Variants in WHRN observed in about 807,000 individuals in gnomAD.
The protein encoded by WHRN is CASK-interacting protein CIP98.
WHRN carries 41 observed loss-of-function variants against 68.3 expected under a neutral mutation model. The observed-to-expected ratio is 0.60, with a 90% CI of 0.47 to 0.78. The LOEUF (loss-of-function observed/expected upper bound fraction) is 0.78. Among genes scored for constraint, WHRN ranks in the 30% least tolerant of loss-of-function variants. WHRN has a pLI of 0.00. For missense variants in WHRN, 1,243 were observed against 1,244.7 expected, an observed-to-expected ratio of 1.00 and a Z score of 0.02; for synonymous variants, 560 against 561.3, an observed-to-expected ratio of 1.00 and a Z score of 0.03.
intron 1 of WHRN, among the ~76,000 whole-genome samples, chr9:114,479,992 G>C (rs1265899205): frequency 6.6e-6 from 1 of 152,234 alleles, no homozygotes; most frequent in Non-Finnish European, 1.5e-5. Flanking sequence ...GAACCCTGGA[G>C]GTGGAGGTTG....
rs1165819404 is a variant in WHRN, at chr9:114,406,772, G to C, written c.1819C>G (p.Leu607Val). 1 of 1,614,102 alleles carries C rather than the reference G, an allele frequency of 6.2e-7. No individual in the cohort carries two copies. The highest frequency in any genetic ancestry group is 1.3e-5 in the African/African-American group (1 of 75,060). ...GQPRKLGRED[L>V]QPPSSMPSCS... is the part of the protein sequence containing the mutation. Reference sequence around the variant, plus strand: ...GAAGGCATGGAGGAAGGTGGCTGGAGGTCCTCTCTCCCCAGCTTCCTTGGC... The same window carrying C: ...GAAGGCATGGAGGAAGGTGGCTGGACGTCCTCTCTCCCCAGCTTCCTTGGC... Residue 607 changes from leucine to valine, a missense_variant, in exon 9 of 12, where the codon CTC (leucine) becomes GTC (valine). Transcript: ENST00000362057.
At chr9:114,440,065 A>ACC in intron 3 of WHRN, among the ~76,000 whole-genome samples, 1 of 152,208 alleles carries the variant, frequency 6.6e-6, no homozygotes, top group African/African-American at 2.4e-5. Flanking sequence ...GGCATGCGCC[A>ACC]ACATGCCTAG....
In WHRN at chr9:114,402,517, C is replaced by G. The variant is rs558225355; in HGVS notation, c.*237G>C. The G allele has an allele frequency of 1.7e-6, 1 of 586,592 alleles. No homozygotes were observed. Among genetic ancestry groups the G allele is most frequent in the South Asian group, 2.0e-5 (1 of 50,448 alleles). The allele number at this position is 586,592 out of a possible 1,614,324, so 36.3% of individuals were successfully genotyped here. A position where few individuals can be genotyped will look rare whatever the true frequency, so the allele number is the denominator to read the frequency against. ...TCTTCCTGTCTTGCAACCCACTTGT[C>G]CTGGGCGCCTACTGTGTACCCAGTA... On this transcript the variant is annotated 3_prime_UTR_variant, in exon 12 of 12. Transcript: ENST00000362057.
At chr9:114,478,838 C>A in intron 1 of WHRN, 67 bp from the exon 2 acceptor site, 1 of 1,492,178 alleles carries the variant, frequency 6.7e-7, no homozygotes, top group Non-Finnish European at 9.1e-7. Flanking sequence ...ACACCCTCCC[C>A]TGGCCCAGAC....
intron 7 of WHRN, among the ~76,000 whole-genome samples, chr9:114,413,024 C>T (rs1224776581): frequency 2.6e-5 from 4 of 152,206 alleles, no homozygotes; most frequent in Non-Finnish European, 5.9e-5. Context: ...TCTGTCAAGC[C>T]AACAGGGTCC....
chr9:114,504,643 C>T lies in WHRN; in HGVS notation c.159G>A (p.Ala53=). Residue 53 remains alanine (A), a synonymous_variant, in exon 1 of 12, where the codon GCG becomes GCA. Transcript: ENST00000362057. ...HQALTALLSE[A]EREQFTHCLN... is the part of the protein sequence containing the mutation. ...GGCAGTGGGTGAACTGCTCCCGCTC[C>T]GCCTCGCTCAGCAGCGCGGTCAGCG... is the stretch of plus-strand genomic sequence containing the variant. The T allele has an allele frequency of 6.2e-7, 1 of 1,607,480 alleles. No homozygotes were observed.
chr9:114,454,613 A>C (rs759095765), intron 3 of WHRN, among the ~76,000 whole-genome samples: 4 of 152,198 alleles, frequency 2.6e-5, no homozygotes, highest in Non-Finnish European at 4.4e-5. Flanking sequence ...GCAAGACTGA[A>C]TAGTATGAAG....
At chr9:114,404,832 G>A (rs1291425532) in intron 9 of WHRN, among the ~76,000 whole-genome samples, 1 of 152,156 alleles carries the variant, frequency 6.6e-6, no homozygotes, top group Non-Finnish European at 1.5e-5. Context: ...GAGCAGTCCA[G>A]GGAATAGACT....
At chr9:114,438,141 G>A (rs1443931363) in intron 3 of WHRN, among the ~76,000 whole-genome samples, 2 of 152,048 alleles carry the variant, frequency 1.3e-5, no homozygotes, top group African/African-American at 2.4e-5. Flanking sequence ...AGGCTGAAAT[G>A]GGAGGATCAC....
intron 3 of WHRN, among the ~76,000 whole-genome samples, chr9:114,434,693 C>T (rs1482930070): frequency 6.6e-6 from 1 of 152,194 alleles, no homozygotes; most frequent in Non-Finnish European, 1.5e-5. Flanking sequence ...TGTCTCTCAC[C>T]TGGACCATTA....
chr9:114,499,081 T>C (rs1006364119), intron 1 of WHRN, among the ~76,000 whole-genome samples: 1 of 152,228 alleles, frequency 6.6e-6, no homozygotes, highest in African/African-American at 2.4e-5. Context: ...AATCTCTGTA[T>C]CTTCTGTTCA....
intron 1 of WHRN, among the ~76,000 whole-genome samples, chr9:114,487,012 A>G (rs1200546395): frequency 1.8e-5 from 2 of 110,908 alleles, no homozygotes; most frequent in East Asian, 2.3e-4. Context: ...TATATATAAT[A>G]TATATAGTGT....
chr9:114,460,944 C>G (rs910080613), intron 3 of WHRN, among the ~76,000 whole-genome samples: 6 of 152,224 alleles, frequency 3.9e-5, no homozygotes, highest in African/African-American at 1.4e-4. Flanking sequence ...CAGAATTAAT[C>G]AGTCCTGGAT....
At position 114,447,697 on chromosome 9, in the gene WHRN, C is replaced by T. The variant is rs142209683; in HGVS notation, c.963+18570G>A. Among the ~76,000 whole-genome samples, 320 of 152,208 alleles carry T rather than the reference C, an allele frequency of 2.1e-3. 9 individuals are homozygous for T. In the South Asian group the frequency reaches 0.034, roughly 16 times the overall value. ...ATGGGACCCTTAAAAGGTGATTAGG[C>T]CACAAGGACTCCACCTTTCCAACTT... On this transcript the variant is annotated intron_variant, in intron 3 of 11. Coordinates refer to ENST00000362057, the MANE Select transcript of WHRN (RefSeq NM_015404.4).
intron 3 of WHRN, among the ~76,000 whole-genome samples, chr9:114,452,996 TC>T (rs1290855409): frequency 6.6e-6 from 1 of 152,170 alleles, no homozygotes; most frequent in Admixed American, 6.5e-5. Context: ...CCTGACAGAC[TC>T]TCCACACCTG....
At chr9:114,454,566 A>G (rs915046288) in intron 3 of WHRN, among the ~76,000 whole-genome samples, 2 of 152,230 alleles carry the variant, frequency 1.3e-5, no homozygotes, top group Non-Finnish European at 2.9e-5. Flanking sequence ...GAACAAAAAA[A>G]AACCTAAATA....
chr9:114,406,535 G>T lies in WHRN; in HGVS notation c.2056C>A (p.Pro686Thr), dbSNP rs201690920. 38 of 1,613,640 alleles carry T rather than the reference G, an allele frequency of 2.4e-5. No homozygotes were observed. In the Admixed American group the frequency reaches 6.3e-4, roughly 27 times the overall value. The change falls in exon 9 of 12, where the codon CCC becomes ACC. Residue 686 changes from proline (P) to threonine (T), a missense_variant. Pro to Thr is a conservative substitution (Grantham distance 38, BLOSUM62 -1). Transcript: ENST00000362057. ...PIGPFPRVQSPPHLKSPSAEA... is the reference protein window; with the variant it reads ...PIGPFPRVQSTPHLKSPSAEA... The stretch of plus-strand genomic sequence containing the variant: ...GCAGAGGGGCTTTTCAGGTGCGGGG[G>T]TGACTGGACCCGTGGGAAGGGGCCG...
chr9:114,414,680 C>T (rs912803027), intron 7 of WHRN, among the ~76,000 whole-genome samples: 2 of 152,250 alleles, frequency 1.3e-5, no homozygotes, highest in African/African-American at 4.8e-5. Flanking sequence ...GCTACAGAGA[C>T]AGCAAAGCAC....
chr9:114,424,211 GTC>G, intron 6 of WHRN, 121 bp downstream of exon 6: 1 of 1,165,006 alleles, frequency 8.6e-7, no homozygotes, highest in South Asian at 1.2e-5. Context: ...TCAGTCCCAG[GTC>G]TCTGCCCAGT....
Sources: gnomAD v4.1 joint callset for allele counts (sites outside exome capture counted in the v4.1 genomes callset) on GRCh38, gnomAD v4.1.1 for gene constraint, MANE v1.5 for transcripts, NCBI Gene and HGNC (gene_info 2026-07-23, HGNC 2026-07-21) for gene names.